The following NLRP14 variants were observed in gnomAD, a reference collection of about 807,000 sequenced individuals.
NLRP14 encodes NACHT, LRR and PYD domains-containing protein 14.
NLRP14 carries 105 observed loss-of-function variants against 94.7 expected under a neutral mutation model. That is an observed-to-expected ratio of 1.11 (90% CI 0.95 to 1.30). The LOEUF (loss-of-function observed/expected upper bound fraction) is 1.30. Among genes scored for constraint, NLRP14 ranks in the 50% most tolerant of loss-of-function variants. NLRP14 has a pLI of 0.00. For missense variants in NLRP14, 1,362 were observed against 1,254.1 expected (o/e 1.09, Z -1.30); for synonymous variants, 508 against 459.9 (o/e 1.10, Z -1.34).
intron 2 of NLRP14, among the ~76,000 whole-genome samples, chr11:7,039,383 T>C (rs1198009355): frequency 6.6e-6 from 1 of 151,818 alleles, no homozygotes; most frequent in Non-Finnish European, 1.5e-5. Flanking sequence ...ATATATATAA[T>C]ATTCATATCT....
At chr11:7,035,739 T>C (rs1852152733) in intron 1 of NLRP14, among the ~76,000 whole-genome samples, 1 of 152,188 alleles carries the variant, frequency 6.6e-6, no homozygotes, top group Admixed American at 6.5e-5. Flanking sequence ...TCCCTTTGTG[T>C]CCTCCTAGAA....
At chr11:7,088,765 G>A in the NLRP14 span, among the ~76,000 whole-genome samples, 1 of 152,000 alleles carries the variant, frequency 6.6e-6, no homozygotes, top group Non-Finnish European at 1.5e-5. Context: ...CATTACAATT[G>A]TTCTCATTAA....
intron 10 of NLRP14, among the ~76,000 whole-genome samples, chr11:7,068,673 T>G (rs1852744466): frequency 6.6e-6 from 1 of 152,222 alleles, no homozygotes; most frequent in Non-Finnish European, 1.5e-5. Flanking sequence ...ATATTTTTTC[T>G]AAGTACGGGG....
chr11:7,072,337 G>A (rs191977622), downstream of NLRP14, among the ~76,000 whole-genome samples: 7 of 152,346 alleles, frequency 4.6e-5, no homozygotes, highest in African/African-American at 1.7e-4. Flanking sequence ...CCTGTTATCA[G>A]CCGGAAGTCT....
At chr11:7,077,860 G>A in the NLRP14 span, among the ~76,000 whole-genome samples, 2 of 152,150 alleles carry the variant, frequency 1.3e-5, no homozygotes, top group Admixed American at 1.3e-4. Context: ...TGAGATTTGG[G>A]TGGGGACACA....
chr11:7,055,343 A>G (rs888136272), intron 6 of NLRP14, among the ~76,000 whole-genome samples: 9 of 152,104 alleles, frequency 5.9e-5, no homozygotes, highest in African/African-American at 1.9e-4. Flanking sequence ...CTGCAACCAT[A>G]TAGCTTCGGC....
In NLRP14 at chr11:7,070,342, T is replaced by A. The variant is rs766733541; in HGVS notation, c.3032T>A (p.Ile1011Asn). The A allele has an allele frequency of 3.1e-6, 5 of 1,611,012 alleles. No homozygotes were observed. Among genetic ancestry groups the A allele is most frequent in the Non-Finnish European group, 4.2e-6 (5 of 1,177,200 alleles). Residue 1011 changes from isoleucine (I) to asparagine (N), a missense_variant, in exon 11 of 12, where the codon ATC becomes AAC. Ile to Asn is a moderately radical substitution (Grantham distance 149). Coordinates refer to ENST00000299481, the MANE Select transcript of NLRP14 (RefSeq NM_176822.4). ...LCCQDLSSAL[I>N]CNKRLIKMNL... ...TGTCAAGATCTCTCCTCTGCTCTTA[T>A]CTGCAACAAAAGACTGATAAAAATG... is the stretch of plus-strand genomic sequence containing the variant.
chr11:7,021,918 A>AT (rs1245002124), intron 1 of NLRP14, among the ~76,000 whole-genome samples: 1 of 151,804 alleles, frequency 6.6e-6, no homozygotes, highest in Non-Finnish European at 1.5e-5. Context: ...ACCTGAGAAT[A>AT]TTACCTGAAC....
At chr11:7,089,346 G>A in the NLRP14 span, 135 of 1,607,514 alleles carry the variant, frequency 8.4e-5, no homozygotes, top group African/African-American at 1.7e-3. Context: ...GTCCCTGGAT[G>A]GTAAGGCCAT....
chr11:7,076,057 C>G (rs1160736201), downstream of NLRP14, among the ~76,000 whole-genome samples: 3 of 152,186 alleles, frequency 2.0e-5, no homozygotes, highest in African/African-American at 7.2e-5. Context: ...TTTTGGGGTT[C>G]TACAACAGTG....
At chr11:7,081,435 C>G in the NLRP14 span, among the ~76,000 whole-genome samples, 1 of 152,028 alleles carries the variant, frequency 6.6e-6, no homozygotes, top group Admixed American at 6.6e-5. Flanking sequence ...TTTATAGTCA[C>G]AGAGTCCTCT....
chr11:7,068,232 TTTATC>T (rs1852736423), intron 10 of NLRP14, among the ~76,000 whole-genome samples: 1 of 152,176 alleles, frequency 6.6e-6, no homozygotes, highest in Non-Finnish European at 1.5e-5. Context: ...AATTTCTGTT[TTTATC>T]TTATTTTTCT....
chr11:7,040,275 G>A (rs1169356241), intron 3 of NLRP14, among the ~76,000 whole-genome samples: 2 of 152,144 alleles, frequency 1.3e-5, no homozygotes, highest in Admixed American at 6.5e-5. Flanking sequence ...GAATCAGGTC[G>A]CATAGCAGGA....
rs1197918697 is a variant in NLRP14 at position 7,043,277 on chromosome 11, T to A, written c.1251T>A (p.Ser417Arg). 6.2e-7 allele frequency: 1 copy of A among 1,614,174 alleles called. No homozygotes were observed. Among genetic ancestry groups the A allele is most frequent in the Non-Finnish European group, 8.5e-7 (1 of 1,180,018 alleles). The change falls in exon 4 of 12, where the codon AGT becomes AGA. Residue 417 changes from serine (S) to arginine (R), a missense_variant. Ser to Arg is a moderately radical substitution (Grantham distance 110, BLOSUM62 -1). Transcript: ENST00000299481. ...LFTPVDGGSP[S>R]LPNQAQLRRL... ...CACCAGTAGATGGAGGCTCTCCTAGTCTACCCAACCAAGCCCAGCTGAGAA... is the reference window on the plus strand; with the variant it reads ...CACCAGTAGATGGAGGCTCTCCTAGACTACCCAACCAAGCCCAGCTGAGAA...
intron 9 of NLRP14, 136 bp from the exon 10 acceptor site, chr11:7,062,197 C>CATA (rs1852632639): frequency 1.4e-6 from 1 of 717,480 alleles, no homozygotes. Context: ...ATAAATTAGA[C>CATA]CCTCCCATGT....
At chr11:7,029,583 A>G (rs966693854) in intron 1 of NLRP14, among the ~76,000 whole-genome samples, 5 of 152,232 alleles carry the variant, frequency 3.3e-5, no homozygotes, top group African/African-American at 7.2e-5. Flanking sequence ...GAACAAGATA[A>G]TAACAGTATG....
intron 10 of NLRP14, among the ~76,000 whole-genome samples, chr11:7,068,817 T>C (rs1452038638): frequency 6.6e-6 from 1 of 152,002 alleles, no homozygotes; most frequent in Non-Finnish European, 1.5e-5. Context: ...TGTCTGGCTA[T>C]TTTTTTCTTC....
rs10500676 is a variant in NLRP14, at chr11:7,058,030, A to G, written c.2462+183A>G. 0.63 allele frequency among the ~76,000 whole-genome samples: 94,781 copies of G among 151,438 alleles called. 30,611 individuals carry two copies. Among genetic ancestry groups the G allele is most frequent in the East Asian group, 0.87 (4,464 of 5,160 alleles). The stretch of plus-strand genomic sequence containing the variant: ...TCCCTCTCTTTTACTTCACTTTTAG[A>G]CCTATCATTTTTTTCTGATTGACCT... On this transcript the variant is annotated intron_variant, in intron 7 of 11. Transcript: ENST00000299481.
intron 6 of NLRP14, among the ~76,000 whole-genome samples, chr11:7,056,400 T>C (rs1852515170): frequency 6.6e-6 from 1 of 151,534 alleles, no homozygotes; most frequent in Non-Finnish European, 1.5e-5. Flanking sequence ...TGATTTGTAA[T>C]GATCTCTTCT....
Sources: gnomAD v4.1 joint callset for allele counts (sites outside exome capture counted in the v4.1 genomes callset) on GRCh38, gnomAD v4.1.1 for gene constraint, MANE v1.5 for transcripts, NCBI Gene and HGNC (gene_info 2026-07-23, HGNC 2026-07-21) for gene names.